ABCC9: variants seen among roughly 807,000 people sequenced by gnomAD.
ABCC9 encodes ATP-binding cassette sub-family C member 9.
In ABCC9, 95 loss-of-function variants were observed where a neutral mutation model predicts 188.3. That is an observed-to-expected ratio of 0.50 (90% confidence interval 0.43 to 0.60). The LOEUF is 0.60. ABCC9 is among the 20% of genes least tolerant of loss of function. ABCC9 has a pLI of 0.00. For missense variants in ABCC9, 1,102 were observed against 1,876.3 expected (o/e 0.59, Z 7.62); for synonymous variants, 659 against 652.7 (o/e 1.01, Z -0.15).
chr12:21,871,364 C>G (rs1360168543), intron 18 of ABCC9, among the ~76,000 whole-genome samples: 1 of 152,152 alleles, frequency 6.6e-6, no homozygotes, highest in African/African-American at 2.4e-5. Context: ...TAAACAGTTG[C>G]AAGGCTATCT....
rs1285602488 is a variant in ABCC9, at chr12:21,844,557, G to A, written c.3246-5C>T. 1.2e-6 allele frequency: 2 copies of A among 1,612,848 alleles called. No homozygotes were observed. The highest frequency in any genetic ancestry group is 1.7e-6 in the Non-Finnish European group (2 of 1,178,972). On this transcript the variant is annotated splice_region_variant and splice_polypyrimidine_tract_variant and intron_variant, in intron 27 of 39. Coordinates refer to ENST00000261200, the MANE Select transcript of ABCC9 (RefSeq NM_020297.4). The stretch of plus-strand genomic sequence containing the variant: ...AGGGGTGTGGTATCAAAAAACCTAG[G>A]CAATAAACAGATGGAAGTATATGAT...
At chr12:21,817,678 GACC>G (rs1235801798) in intron 32 of ABCC9, among the ~76,000 whole-genome samples, 2 of 152,150 alleles carry the variant, frequency 1.3e-5, no homozygotes, top group Non-Finnish European at 2.9e-5. Context: ...AGAGTACTCT[GACC>G]ACAAGATCTG....
intron 28 of ABCC9, among the ~76,000 whole-genome samples, chr12:21,842,697 T>C (rs1002837941): frequency 1.3e-5 from 2 of 152,188 alleles, no homozygotes; most frequent in African/African-American, 4.8e-5. Context: ...CTATTTACCT[T>C]GGGTGTTTTA....
chr12:21,861,032 C>A lies in ABCC9; in HGVS notation c.2363G>T (p.Cys788Phe). Residue 788 changes from cysteine (C) to phenylalanine (F), a missense_variant, in exon 21 of 40, where the codon TGT becomes TTT. Physicochemically the swap from Cys to Phe is radical, Grantham distance 205. Coordinates refer to ENST00000261200, the MANE Select transcript of ABCC9 (RefSeq NM_020297.4). ...KQRYKAVTDA[C>F]SLQPDIDLLP... The stretch of plus-strand genomic sequence containing the variant: ...TAAGTCAATATCTGGCTGAAGAGAA[C>A]AGGCATCTGTGACAGCTTTGTACCT... 6.2e-7 allele frequency: 1 copy of A among 1,613,560 alleles called. No individual in the cohort carries two copies. Among genetic ancestry groups the A allele is most frequent in the Non-Finnish European group, 8.5e-7 (1 of 1,179,760 alleles).
chr12:21,895,355 T>G, intron 12 of ABCC9, 40 bp from the exon 13 acceptor site: 1 of 1,553,802 alleles, frequency 6.4e-7, no homozygotes, highest in East Asian at 2.2e-5. Context: ...CATTGAACTG[T>G]GAAAACATTT....
rs1300758050 is a variant in ABCC9 at position 21,806,065 on chromosome 12, A to C, written c.4450-5T>G. 1 of 517,322 alleles carries C rather than the reference A, an allele frequency of 1.9e-6. No homozygotes were observed. The highest frequency in any genetic ancestry group is 3.9e-5 in the South Asian group (1 of 25,878). 32.0% of individuals were successfully genotyped at this position (517,322 alleles called of 1,614,324 possible). A position where few individuals can be genotyped will look rare whatever the true frequency, so the allele number is the denominator to read the frequency against. On this transcript the variant is annotated splice_polypyrimidine_tract_variant and splice_region_variant and intron_variant, in intron 38 of 39. Transcript: ENST00000261200. Reference sequence around the variant, plus strand: ...TACTTTTTGCAAAATATTCTCCTGCAAAAAAAAAAAAGTGTAAATTTTCTC... The same window carrying C: ...TACTTTTTGCAAAATATTCTCCTGCCAAAAAAAAAAAGTGTAAATTTTCTC...
At chr12:21,881,342 G>GA (rs960968233) in intron 16 of ABCC9, among the ~76,000 whole-genome samples, 12 of 152,232 alleles carry the variant, frequency 7.9e-5, no homozygotes, top group African/African-American at 2.9e-4. Flanking sequence ...ATTTGGGCTT[G>GA]AAAGTGAGCC....
chr12:21,822,615 C>T (rs976593423), intron 31 of ABCC9, among the ~76,000 whole-genome samples: 4 of 149,126 alleles, frequency 2.7e-5, no homozygotes, highest in African/African-American at 1.0e-4. Context: ...CTGGCTAACA[C>T]AGTGAAACCC....
intron 37 of ABCC9, among the ~76,000 whole-genome samples, chr12:21,809,474 AACCT>A (rs1044789946): frequency 6.6e-5 from 10 of 152,184 alleles, no homozygotes; most frequent in African/African-American, 2.2e-4. Flanking sequence ...CAAAGACTTA[AACCT>A]AACAGCTCCT....
chr12:21,924,961 T>C (rs1948991023), intron 5 of ABCC9: 1 of 152,212 alleles, frequency 6.6e-6, no homozygotes, highest in African/African-American at 2.4e-5. Context: ...ATATCTTTCA[T>C]GCATCCATTT....
At chr12:21,917,688 G>A (rs929288302) in intron 5 of ABCC9, among the ~76,000 whole-genome samples, 4 of 152,066 alleles carry the variant, frequency 2.6e-5, no homozygotes, top group Non-Finnish European at 4.4e-5. Flanking sequence ...CTTATAGAGC[G>A]AACTGAAACG....
chr12:21,823,781 A>G (rs1943190658), intron 31 of ABCC9, among the ~76,000 whole-genome samples: 1 of 152,238 alleles, frequency 6.6e-6, no homozygotes, highest in Non-Finnish European at 1.5e-5. Context: ...AGCAGCAATC[A>G]GAGGTTAGGC....
chr12:21,931,934 TA>T (rs1180928847), intron 4 of ABCC9, among the ~76,000 whole-genome samples: 2 of 152,146 alleles, frequency 1.3e-5, no homozygotes, highest in African/African-American at 4.8e-5. Context: ...AAAGCCCTCA[TA>T]AAACATTACA....
intron 10 of ABCC9, among the ~76,000 whole-genome samples, chr12:21,909,755 A>G (rs1256365375): frequency 6.6e-6 from 1 of 151,972 alleles, no homozygotes; most frequent in African/African-American, 2.4e-5. Context: ...AATCGAGGCA[A>G]TAATACTAAC....
At chr12:21,868,008 A>G (rs759469668) in intron 18 of ABCC9, among the ~76,000 whole-genome samples, 5 of 152,216 alleles carry the variant, frequency 3.3e-5, no homozygotes, top group Non-Finnish European at 7.3e-5. Context: ...GACTTCAGTC[A>G]GGCAGAACAT....
chr12:21,926,206 TA>T (rs1949039778), intron 4 of ABCC9, 143 bp from the exon 5 acceptor site: 1 of 1,164,434 alleles, frequency 8.6e-7, no homozygotes, highest in African/African-American at 1.5e-5. Context: ...AGATAATACA[TA>T]AGGGAAGAAT....
intron 35 of ABCC9, among the ~76,000 whole-genome samples, chr12:21,812,707 G>A (rs1243875007): frequency 6.6e-6 from 1 of 152,074 alleles, no homozygotes; most frequent in Non-Finnish European, 1.5e-5. Context: ...CGAGGGGTAG[G>A]GGGTTAGGGG....
intron 19 of ABCC9, 57 bp from the exon 20 acceptor site, chr12:21,863,111 G>A: frequency 2.6e-6 from 3 of 1,132,312 alleles, no homozygotes; most frequent in South Asian, 2.6e-5. Context: ...TACTGTGCGT[G>A]TATGTATTTT....
chr12:21,829,166 C>A, intron 30 of ABCC9, 106 bp from the exon 31 acceptor site: 1 of 544,810 alleles, frequency 1.8e-6, no homozygotes, highest in African/African-American at 2.0e-5. Flanking sequence ...AAACTGATGG[C>A]ATGGAATGAT....
Sources: allele counts gnomAD v4.1 joint callset (sites outside exome capture counted in the v4.1 genomes callset), GRCh38; gene constraint gnomAD v4.1.1; transcripts MANE v1.5; gene names NCBI Gene and HGNC (gene_info 2026-07-23, HGNC 2026-07-21).